Variants in CNOT6L observed in about 807,000 individuals in gnomAD.
CNOT6L encodes the protein CCR4-NOT transcription complex subunit 6 like.
Under a neutral mutation model 64.0 loss-of-function variants are expected in CNOT6L, and 7 were observed. The observed-to-expected ratio is 0.11, with a 90% CI of 0.06 to 0.21. CNOT6L has a LOEUF of 0.21. Ranked by LOEUF, CNOT6L falls within the 10% of genes least tolerant of loss-of-function variation. The pLI, the probability that CNOT6L is intolerant of heterozygous loss-of-function variation, is 1.00. For synonymous variants in CNOT6L, 193 were observed against 243.4 expected (o/e 0.79, Z 1.93); for missense variants, 245 against 669.0 (o/e 0.37, Z 6.99).
intron 1 of CNOT6L, among the ~76,000 whole-genome samples, chr4:77,790,050 C>T (rs1729947134): frequency 1.3e-5 from 2 of 151,482 alleles, no homozygotes; most frequent in African/African-American, 2.4e-5. Context: ...ATCCTCTGTG[C>T]TCTGCCTATT....
At chr4:77,724,456 T>C (rs1301338274) in intron 11 of CNOT6L, among the ~76,000 whole-genome samples, 1 of 151,776 alleles carries the variant, frequency 6.6e-6, no homozygotes, top group East Asian at 1.9e-4. Flanking sequence ...ATGGGCAACA[T>C]GGCAAAACCC....
intron 11 of CNOT6L, among the ~76,000 whole-genome samples, chr4:77,725,549 AT>A (rs1221046492): frequency 2.6e-5 from 4 of 151,918 alleles, no homozygotes; most frequent in Non-Finnish European, 4.4e-5. Flanking sequence ...CAGCCTTTCC[AT>A]TTTTTTTCAT....
At chr4:77,778,633 C>A (rs1393787618) in intron 1 of CNOT6L, among the ~76,000 whole-genome samples, 1 of 151,782 alleles carries the variant, frequency 6.6e-6, no homozygotes, top group Admixed American at 6.5e-5. Flanking sequence ...TCTCGAACTC[C>A]TGACCTTGTG....
intron 4 of CNOT6L, among the ~76,000 whole-genome samples, chr4:77,764,461 T>G (rs772451806): frequency 6.6e-6 from 1 of 152,196 alleles, no homozygotes; most frequent in Non-Finnish European, 1.5e-5. Context: ...ATTTCTTGGC[T>G]CTCTGCCTAT....
intron 1 of CNOT6L, among the ~76,000 whole-genome samples, chr4:77,812,678 G>A (rs974443803): frequency 2.0e-5 from 3 of 151,824 alleles, no homozygotes; most frequent in Non-Finnish European, 4.4e-5. Context: ...ACTTAAAGAC[G>A]ATCTAAATAA....
At chr4:77,725,655 A>AC (rs1266067564) in intron 11 of CNOT6L, among the ~76,000 whole-genome samples, 2 of 152,210 alleles carry the variant, frequency 1.3e-5, no homozygotes, top group African/African-American at 4.8e-5. Flanking sequence ...GAACCAAAGT[A>AC]CAACCTGCTC....
Position 77,805,192 on chromosome 4 carries a change from G to A in CNOT6L, c.5+14112C>T, listed in dbSNP as rs115135459. 5.8e-3 allele frequency among the ~76,000 whole-genome samples: 883 copies of A among 152,188 alleles called. 9 individuals are homozygous for A. The highest frequency in any genetic ancestry group is 0.019 in the African/African-American group (784 of 41,500). On this transcript the variant is annotated intron_variant, in intron 1 of 11. Coordinates refer to ENST00000504123, the MANE Select transcript of CNOT6L (RefSeq NM_144571.3). ...TATTATACTGCTAACAAGCTTGATC[G>A]CCATGAAGCAGGATAACCAGAAAAT... is the stretch of plus-strand genomic sequence containing the variant.
Position 77,729,340 on chromosome 4 carries a change from T to C in CNOT6L, c.1025-259A>G, listed in dbSNP as rs992953864. ...CTAAATCTGGCCCACAAATTTGGTA[T>C]AGCCCTTTAAATATCTGTCATTTAA... On this transcript the variant is annotated intron_variant, in intron 9 of 11. Coordinates refer to ENST00000504123, the MANE Select transcript of CNOT6L (RefSeq NM_144571.3). Among the ~76,000 whole-genome samples, 7 of 152,218 alleles carry C rather than the reference T, an allele frequency of 4.6e-5. No homozygotes were observed. The South Asian group carries it at 8.3e-4, about 18-fold the overall frequency.
upstream of CNOT6L, chr4:77,819,503 G>T: frequency 2.6e-6 from 3 of 1,161,054 alleles, no homozygotes; most frequent in Non-Finnish European, 3.5e-6. Context: ...AGCCGCGGCG[G>T]CACACAGGGC....
intron 8 of CNOT6L, 31 bp downstream of exon 8, chr4:77,742,110 T>C (rs1288344107): frequency 3.2e-6 from 5 of 1,586,150 alleles, no homozygotes; most frequent in Non-Finnish European, 4.3e-6. Flanking sequence ...TAAATAAAAG[T>C]ACACCATTGT....
rs547701742 is a variant in CNOT6L at position 77,808,982 on chromosome 4, G to T, written c.5+10322C>A. 1.3e-4 allele frequency among the ~76,000 whole-genome samples: 20 copies of T among 152,280 alleles called. No homozygotes were observed. The East Asian group carries it at 3.9e-3, about 29-fold the overall frequency. On this transcript the variant is annotated intron_variant, in intron 1 of 11. Coordinates refer to ENST00000504123, the MANE Select transcript of CNOT6L (RefSeq NM_144571.3). Reference sequence around the variant, plus strand: ...TCTTTCCTAATAAGAAACAGTAATAGTGTACGTGTATTGTTTTTTAGTTTG... The same window carrying T: ...TCTTTCCTAATAAGAAACAGTAATATTGTACGTGTATTGTTTTTTAGTTTG...
At chr4:77,729,144 C>G in intron 9 of CNOT6L, 63 bp from the exon 10 acceptor site, 1 of 1,299,530 alleles carries the variant, frequency 7.7e-7, no homozygotes. Context: ...AATGTGGCAT[C>G]CTCAGGTTTT....
chr4:77,765,429 TC>T (rs1726723077), intron 4 of CNOT6L, among the ~76,000 whole-genome samples: 1 of 152,168 alleles, frequency 6.6e-6, no homozygotes, highest in Non-Finnish European at 1.5e-5. Flanking sequence ...GTAGTTAACA[TC>T]TTCTCAATGA....
At chr4:77,792,634 G>C (rs964350493) in intron 1 of CNOT6L, among the ~76,000 whole-genome samples, 1 of 150,516 alleles carries the variant, frequency 6.6e-6, no homozygotes, top group African/African-American at 2.4e-5. Context: ...GCTGAGACAG[G>C]AGAATCGCTT....
chr4:77,780,030 C>CT (rs1728688118), intron 1 of CNOT6L, among the ~76,000 whole-genome samples: 2 of 152,150 alleles, frequency 1.3e-5, no homozygotes, highest in South Asian at 2.1e-4. Flanking sequence ...TTCCATTCAG[C>CT]TTTATTTTCC....
chr4:77,721,778 C>T (rs1721305191), intron 11 of CNOT6L, among the ~76,000 whole-genome samples: 1 of 151,966 alleles, frequency 6.6e-6, no homozygotes, highest in South Asian at 2.1e-4. Context: ...CAAGACCAGC[C>T]TGGTAAACAT....
At chr4:77,740,565 T>G (rs752399018) in intron 8 of CNOT6L, among the ~76,000 whole-genome samples, 8 of 152,182 alleles carry the variant, frequency 5.3e-5, no homozygotes, top group Non-Finnish European at 1.2e-4. Flanking sequence ...GTACCTTGGT[T>G]TCCTCATCTT....
intron 1 of CNOT6L, among the ~76,000 whole-genome samples, chr4:77,783,969 T>G (rs573100173): frequency 6.6e-6 from 1 of 151,456 alleles, no homozygotes; most frequent in African/African-American, 2.4e-5. Context: ...ATAAAATGCA[T>G]AGGCATATGT....
intron 1 of CNOT6L, among the ~76,000 whole-genome samples, chr4:77,800,545 T>C (rs1027657153): frequency 1.3e-5 from 2 of 152,130 alleles, no homozygotes; most frequent in African/African-American, 2.4e-5. Flanking sequence ...AAGTCTTGTA[T>C]ACAAAGTTTT....
Sources: allele counts gnomAD v4.1 joint callset (sites outside exome capture counted in the v4.1 genomes callset), GRCh38; gene constraint gnomAD v4.1.1; transcripts MANE v1.5; gene names NCBI Gene and HGNC (gene_info 2026-07-23, HGNC 2026-07-21).